Variants in ARHGAP26 observed in about 807,000 individuals in gnomAD.
ARHGAP26 encodes rho GTPase-activating protein 26.
ARHGAP26 carries 38 observed loss-of-function variants against 104.8 expected under a neutral mutation model. That is an observed-to-expected ratio of 0.36 (90% confidence interval 0.28 to 0.48). ARHGAP26 has a LOEUF of 0.48. ARHGAP26 is among the 20% of genes least tolerant of loss of function. ARHGAP26 has a pLI of 0.99. For synonymous variants in ARHGAP26, 341 were observed against 340.0 expected (o/e 1.00, Z -0.03); for missense variants, 704 against 947.9 (o/e 0.74, Z 3.38).
rs11389284 is a variant in ARHGAP26, at chr5:142,923,857, C to CTTT, written c.1029-8170_1029-8168dup. ...TTCATTCATTTATTAGGATCAGATCCTTTTTTTTTTTTTTTTTTTTTTGAT... is the reference window on the plus strand; with the variant it reads ...TTCATTCATTTATTAGGATCAGATCCTTTTTTTTTTTTTTTTTTTTTTTTTGAT... On this transcript the variant is annotated intron_variant, in intron 10 of 22. Transcript: ENST00000645722. Among the ~76,000 whole-genome samples, 265 of 105,866 alleles carry CTTT rather than the reference C, an allele frequency of 2.5e-3. 6 individuals are homozygous for CTTT. Among genetic ancestry groups the CTTT allele is most frequent in the South Asian group, 3.0e-3 (8 of 2,630 alleles). 69.5% of individuals were successfully genotyped at this position (105,866 alleles called of 152,430 possible). A position where few individuals can be genotyped will look rare whatever the true frequency, so the allele number is the denominator to read the frequency against.
At chr5:143,089,223 A>T (rs1791053273) in intron 17 of ARHGAP26, among the ~76,000 whole-genome samples, 1 of 152,084 alleles carries the variant, frequency 6.6e-6, no homozygotes. Context: ...GCTTCTCTGG[A>T]TAAGGTGGAG....
chr5:142,893,773 C>A (rs2152430968), intron 5 of ARHGAP26, among the ~76,000 whole-genome samples: 1 of 152,308 alleles, frequency 6.6e-6, no homozygotes. Flanking sequence ...TTGATCATAG[C>A]CATTGTAACT....
chr5:143,170,677 C>A (rs1802652385), intron 20 of ARHGAP26: 1 of 152,142 alleles, frequency 6.6e-6, no homozygotes, highest in African/African-American at 2.4e-5. Flanking sequence ...CTGTTGTACT[C>A]CACATTTTGC....
chr5:143,166,180 C>A, intron 20 of ARHGAP26: 1 of 1,033,994 alleles, frequency 9.7e-7, no homozygotes, highest in Non-Finnish European at 1.3e-6. Flanking sequence ...TCATCTAGAA[C>A]AACCCCATGT....
chr5:143,142,398 C>A (rs766087749), intron 19 of ARHGAP26, among the ~76,000 whole-genome samples: 19 of 151,960 alleles, frequency 1.3e-4, no homozygotes, highest in Non-Finnish European at 1.9e-4. Context: ...CCTCGGCCTC[C>A]CAAAGTGCTG....
At chr5:142,963,095 TC>T (rs1407429400) in intron 11 of ARHGAP26, among the ~76,000 whole-genome samples, 1 of 150,664 alleles carries the variant, frequency 6.6e-6, no homozygotes, top group Non-Finnish European at 1.5e-5. Context: ...GATAACGACC[TC>T]CAGCTCCATC....
chr5:142,819,146 A>G (rs570951544), intron 1 of ARHGAP26, among the ~76,000 whole-genome samples: 5 of 152,172 alleles, frequency 3.3e-5, no homozygotes, highest in Admixed American at 1.3e-4. Context: ...ACTTGCCTCT[A>G]TGGACTGGTT....
At chr5:142,902,335 G>A (rs1275147505) in intron 7 of ARHGAP26, among the ~76,000 whole-genome samples, 1 of 152,180 alleles carries the variant, frequency 6.6e-6, no homozygotes, top group African/African-American at 2.4e-5. Flanking sequence ...TCCTTTGGCG[G>A]TGGAAATCCC....
chr5:143,180,517 C>G (rs953472676), intron 20 of ARHGAP26, among the ~76,000 whole-genome samples: 1 of 152,190 alleles, frequency 6.6e-6, no homozygotes, highest in African/African-American at 2.4e-5. Context: ...TAAAGAAATA[C>G]CTGAGACTGG....
intron 20 of ARHGAP26, chr5:143,202,488 A>G (rs1807915552): frequency 7.1e-6 from 1 of 141,762 alleles, no homozygotes; most frequent in Non-Finnish European, 1.5e-5. Context: ...TAGCCATAAA[A>G]TAGCCATACT....
chr5:143,055,954 C>T, intron 15 of ARHGAP26, 74 bp from the exon 16 acceptor site: 1 of 1,057,282 alleles, frequency 9.5e-7, no homozygotes, highest in Non-Finnish European at 1.4e-6. Context: ...GTTTGTCAGT[C>T]TCTAGGCTGC....
At chr5:142,991,353 C>G (rs1318370693) in intron 11 of ARHGAP26, among the ~76,000 whole-genome samples, 2 of 152,150 alleles carry the variant, frequency 1.3e-5, no homozygotes, top group Non-Finnish European at 2.9e-5. Context: ...TTTCCAGGTA[C>G]CATCTGTCAC....
intron 11 of ARHGAP26, among the ~76,000 whole-genome samples, chr5:142,976,115 C>G (rs1420054385): frequency 1.3e-5 from 2 of 152,190 alleles, no homozygotes; most frequent in Non-Finnish European, 2.9e-5. Context: ...GCTGTAGAAC[C>G]TAACACCCAA....
intron 11 of ARHGAP26, among the ~76,000 whole-genome samples, chr5:142,964,490 G>C (rs1445705840): frequency 6.6e-6 from 1 of 151,904 alleles, no homozygotes; most frequent in Non-Finnish European, 1.5e-5. Context: ...GTTCTAGCTA[G>C]ATACTTTGGC....
chr5:142,779,080 T>C (rs549030203), intron 1 of ARHGAP26, among the ~76,000 whole-genome samples: 57 of 152,284 alleles, frequency 3.7e-4, no homozygotes, highest in African/African-American at 1.4e-3. Context: ...AGATGGGAGA[T>C]GGGATGGGGC....
chr5:142,992,473 A>G (rs1373729933), intron 11 of ARHGAP26, among the ~76,000 whole-genome samples: 1 of 150,568 alleles, frequency 6.6e-6, no homozygotes, highest in African/African-American at 2.4e-5. Flanking sequence ...TTGCCCTGTC[A>G]CCTAGGCTGG....
At chr5:143,057,373 A>C (rs1785979982) in intron 16 of ARHGAP26, among the ~76,000 whole-genome samples, 1 of 152,192 alleles carries the variant, frequency 6.6e-6, no homozygotes, top group South Asian at 2.1e-4. Context: ...CTGGGTGTGC[A>C]GTTGACTGGC....
chr5:142,955,359 T>G (rs914991017), intron 11 of ARHGAP26, among the ~76,000 whole-genome samples: 1 of 152,154 alleles, frequency 6.6e-6, no homozygotes, highest in Non-Finnish European at 1.5e-5. Context: ...GCATTCTGAT[T>G]GCAGAAAAAG....
At chr5:142,950,014 T>A (rs2152596254) in intron 11 of ARHGAP26, among the ~76,000 whole-genome samples, 1 of 152,354 alleles carries the variant, frequency 6.6e-6, no homozygotes, top group East Asian at 1.9e-4. Flanking sequence ...TTATCTCTCC[T>A]GGGCCCACTT....
Sources: allele counts gnomAD v4.1 joint callset (sites outside exome capture counted in the v4.1 genomes callset), GRCh38; gene constraint gnomAD v4.1.1; transcripts MANE v1.5; gene names NCBI Gene and HGNC (gene_info 2026-07-23, HGNC 2026-07-21).